Variants in GPR158 observed in about 807,000 individuals in gnomAD.
GPR158 encodes G protein-coupled receptor 158.
Under a neutral mutation model 78.2 loss-of-function variants are expected in GPR158, and 30 were observed. The ratio of observed to expected loss-of-function variants is 0.38; its 90% CI spans 0.29 to 0.52. The LOEUF is 0.52. Ranked by LOEUF, GPR158 falls within the 20% of genes least tolerant of loss-of-function variation. The pLI, the probability that GPR158 is intolerant of heterozygous loss-of-function variation, is 0.83. For synonymous variants in GPR158, 581 were observed against 591.1 expected, an observed-to-expected ratio of 0.98 and a Z score of 0.25; for missense variants, 1,463 against 1,523.5, an observed-to-expected ratio of 0.96 and a Z score of 0.66.
At chr10:25,555,307 A>G (rs768323709) in intron 6 of GPR158, among the ~76,000 whole-genome samples, 1 of 152,138 alleles carries the variant, frequency 6.6e-6, no homozygotes, top group Non-Finnish European at 1.5e-5. Context: ...ATAAGTTAAG[A>G]GGAAGAATGG....
intron 4 of GPR158, among the ~76,000 whole-genome samples, chr10:25,450,627 C>G (rs899788597): frequency 6.6e-6 from 1 of 152,090 alleles, no homozygotes; most frequent in Non-Finnish European, 1.5e-5. Context: ...GTTAAATCAT[C>G]TGTAAATAGA....
Position 25,598,579 on chromosome 10 carries a change from A to T in GPR158, c.2953A>T (p.Thr985Ser). ...IMKQQRVNPT[T>S]ANSDLNPGTT... ...GAAACAACAAAGGGTCAACCCCACC[A>T]CTGCCAATTCTGACCTGAACCCAGG... Residue 985 changes from threonine (T) to serine (S), a missense_variant, in exon 11 of 11, where the codon ACT becomes TCT. Transcript: ENST00000376351. The T allele has an allele frequency of 6.2e-7, 1 of 1,614,016 alleles. No homozygotes were observed. The highest frequency in any genetic ancestry group is 8.5e-7 in the Non-Finnish European group (1 of 1,179,984).
intron 5 of GPR158, among the ~76,000 whole-genome samples, chr10:25,532,016 A>G (rs1256375441): frequency 6.6e-6 from 1 of 151,078 alleles, no homozygotes; most frequent in Non-Finnish European, 1.5e-5. Context: ...ACTTCTTCAC[A>G]GAGGGAGACA....
chr10:25,298,034 A>G lies in GPR158; in HGVS notation c.1008+76877A>G, dbSNP rs578234614. Among the ~76,000 whole-genome samples the G allele has an allele frequency of 2.0e-5, 3 of 152,280 alleles. No homozygotes were observed. In the East Asian group the frequency reaches 5.8e-4, roughly 29 times the overall value. ...TGTATAAAATGAGTAAATGTGGCAT[A>G]TTGTGGGGATTGTGTTTCACAGAGT... is the stretch of plus-strand genomic sequence containing the variant. On this transcript the variant is annotated intron_variant, in intron 2 of 10. Coordinates refer to ENST00000376351, the MANE Select transcript of GPR158 (RefSeq NM_020752.3).
At position 25,451,606 on chromosome 10, in the gene GPR158, G is replaced by T. The variant is rs1285893614; in HGVS notation, c.1336-15045G>T. The stretch of plus-strand genomic sequence containing the variant: ...CTTTACAAAATGGGATGTTGAAAGT[G>T]CTAGGGCAAAGTTGAGTAATACCAG... On this transcript the variant is annotated intron_variant, in intron 4 of 10. Transcript: ENST00000376351. Among the ~76,000 whole-genome samples the T allele has an allele frequency of 3.3e-5, 5 of 152,214 alleles. No individual in the cohort carries two copies. The East Asian group carries it at 9.6e-4, about 29-fold the overall frequency.
rs369036938 is a variant in GPR158, at chr10:25,368,758, T to C, written c.1009-27153T>C. ...GATGGCATTGAATCTGTAAATTACC[T>C]TGGGCAGTATGGCCATTTTCATATT... On this transcript the variant is annotated intron_variant, in intron 2 of 10. Coordinates refer to ENST00000376351, the MANE Select transcript of GPR158 (RefSeq NM_020752.3). 2.0e-3 allele frequency among the ~76,000 whole-genome samples: 237 copies of C among 116,700 alleles called. 5 individuals carry two copies. The East Asian group carries it at 0.04, about 20-fold the overall frequency. 76.6% of individuals were successfully genotyped at this position (116,700 alleles called of 152,430 possible).
At chr10:25,541,634 CA>C (rs376282271) in intron 5 of GPR158, among the ~76,000 whole-genome samples, 3 of 151,412 alleles carry the variant, frequency 2.0e-5, no homozygotes, top group Non-Finnish European at 2.9e-5. Context: ...CACCACAGGA[CA>C]TTGAATAAAG....
intron 2 of GPR158, among the ~76,000 whole-genome samples, chr10:25,248,792 A>G (rs1480408940): frequency 1.3e-5 from 2 of 150,850 alleles, no homozygotes; most frequent in Admixed American, 1.3e-4. Context: ...TGACTTGGCG[A>G]TGTGGGCTCT....
intron 2 of GPR158, among the ~76,000 whole-genome samples, chr10:25,317,657 G>A (rs1854874994): frequency 1.3e-5 from 2 of 149,784 alleles, no homozygotes; most frequent in South Asian, 4.2e-4. Flanking sequence ...TTTGCTTTGT[G>A]TTTAGGTTTA....
rs764102827 is a variant in GPR158, at chr10:25,589,067, C to T, written c.1814C>T (p.Ser605Leu). 3.7e-6 allele frequency: 6 copies of T among 1,611,714 alleles called. No homozygotes were observed. Among genetic ancestry groups the T allele is most frequent in the South Asian group, 3.3e-5 (3 of 90,928 alleles). The change falls in exon 8 of 11, where the codon TCG becomes TTG. Residue 605 changes from serine to leucine, a missense_variant. By Grantham distance (145) the Ser-to-Leu change is moderately radical. Transcript: ENST00000376351. The stretch of plus-strand genomic sequence containing the variant: ...TGCTATGCAGTGCGGACAGTCCCAT[C>T]GGCATTCCATGAGCCCCGCTATATG... ...YLCYAVRTVP[S>L]AFHEPRYMAV... is the part of the protein sequence containing the mutation.
At chr10:25,579,704 A>G (rs948679820) in intron 7 of GPR158, among the ~76,000 whole-genome samples, 1 of 152,244 alleles carries the variant, frequency 6.6e-6, no homozygotes, top group African/African-American at 2.4e-5. Flanking sequence ...AAATCTGTGC[A>G]TCAAACTTTA....
chr10:25,311,518 G>T (rs889138354), intron 2 of GPR158, among the ~76,000 whole-genome samples: 1 of 151,752 alleles, frequency 6.6e-6, no homozygotes, highest in Non-Finnish European at 1.5e-5. Context: ...GTTGAGTCTG[G>T]GTTTTGATAG....
intron 6 of GPR158, among the ~76,000 whole-genome samples, chr10:25,571,109 G>A (rs1458288939): frequency 1.1e-5 from 1 of 90,168 alleles, no homozygotes; most frequent in Admixed American, 9.1e-5. Context: ...GTTAGCGTTC[G>A]CCAGTGTTAG....
intron 2 of GPR158, among the ~76,000 whole-genome samples, chr10:25,318,668 TCTTA>T (rs1228478270): frequency 6.6e-6 from 1 of 152,228 alleles, no homozygotes; most frequent in African/African-American, 2.4e-5. Context: ...CTTCATTTAT[TCTTA>T]CTGTTTATAT....
At chr10:25,233,014 A>G (rs1171646664) in intron 2 of GPR158, among the ~76,000 whole-genome samples, 1 of 152,208 alleles carries the variant, frequency 6.6e-6, no homozygotes, top group Non-Finnish European at 1.5e-5. Flanking sequence ...ACAAACTGCA[A>G]ATGGAGAATA....
At chr10:25,366,800 G>T (rs571612927) in intron 2 of GPR158, among the ~76,000 whole-genome samples, 2 of 150,854 alleles carry the variant, frequency 1.3e-5, no homozygotes, top group South Asian at 2.1e-4. Flanking sequence ...TTTAGATTGT[G>T]TATTGATTAA....
chr10:25,363,005 A>G (rs1206794717), intron 2 of GPR158, among the ~76,000 whole-genome samples: 1 of 151,690 alleles, frequency 6.6e-6, no homozygotes, highest in Non-Finnish European at 1.5e-5. Context: ...TGGTTGAATC[A>G]TGTTTTTTTA....
chr10:25,199,890 G>A (rs1007693010), intron 1 of GPR158, among the ~76,000 whole-genome samples: 2 of 152,118 alleles, frequency 1.3e-5, no homozygotes, highest in African/African-American at 4.8e-5. Context: ...GTATATGTAT[G>A]ACATTTTCTT....
intron 4 of GPR158, among the ~76,000 whole-genome samples, chr10:25,444,773 T>C (rs1432279439): frequency 6.6e-6 from 1 of 152,182 alleles, no homozygotes; most frequent in Admixed American, 6.5e-5. Context: ...GAAGGAAATT[T>C]AAGAATCCCA....
Sources: gnomAD v4.1 joint callset for allele counts (sites outside exome capture counted in the v4.1 genomes callset) on GRCh38, gnomAD v4.1.1 for gene constraint, MANE v1.5 for transcripts, NCBI Gene and HGNC (gene_info 2026-07-23, HGNC 2026-07-21) for gene names.